Variants in OPCML observed in about 807,000 individuals in gnomAD.
OPCML encodes the protein opioid binding protein/cell adhesion molecule like.
Under a neutral mutation model 37.8 loss-of-function variants are expected in OPCML, and 13 were observed. The observed-to-expected ratio is 0.34, with a 90% CI of 0.22 to 0.55. OPCML has a LOEUF of 0.55. OPCML is among the 20% of genes least tolerant of loss of function. The pLI, the probability that OPCML is intolerant of heterozygous loss-of-function variation, is 0.91. For synonymous variants in OPCML, 176 were observed against 168.8 expected, an observed-to-expected ratio of 1.04 and a Z score of -0.33; for missense variants, 341 against 435.6, an observed-to-expected ratio of 0.78 and a Z score of 1.93.
At chr11:133,244,569 T>C (rs1375406509) in intron 1 of OPCML, among the ~76,000 whole-genome samples, 1 of 152,134 alleles carries the variant, frequency 6.6e-6, no homozygotes, top group Non-Finnish European at 1.5e-5. Flanking sequence ...TCTCCAGCAC[T>C]GGAGGAGGGG....
intron 2 of OPCML, among the ~76,000 whole-genome samples, chr11:132,856,383 G>T (rs1276855052): frequency 6.6e-6 from 1 of 152,164 alleles, no homozygotes; most frequent in Non-Finnish European, 1.5e-5. Flanking sequence ...TTGTGTTAGG[G>T]TAAGTAGTCA....
At chr11:132,889,392 C>G (rs1943554488) in intron 2 of OPCML, among the ~76,000 whole-genome samples, 1 of 152,168 alleles carries the variant, frequency 6.6e-6, no homozygotes, top group African/African-American at 2.4e-5. Context: ...GAGTGGAGAA[C>G]CTTTGCCTAG....
At chr11:133,277,064 G>A (rs1290126481) in intron 1 of OPCML, among the ~76,000 whole-genome samples, 1 of 152,066 alleles carries the variant, frequency 6.6e-6, no homozygotes, top group Non-Finnish European at 1.5e-5. Flanking sequence ...CCTTAATTTT[G>A]TTTACTGCAA....
intron 2 of OPCML, among the ~76,000 whole-genome samples, chr11:132,934,428 C>CT (rs1357779429): frequency 8.5e-5 from 13 of 152,168 alleles, no homozygotes; most frequent in African/African-American, 2.9e-4. Context: ...AGAACTGACC[C>CT]TTTGACTGTT....
intron 1 of OPCML, among the ~76,000 whole-genome samples, chr11:133,274,439 C>T (rs980690540): frequency 3.7e-4 from 56 of 152,250 alleles, no homozygotes; most frequent in African/African-American, 1.3e-3. Context: ...GTGCTGAGCC[C>T]ACAAGCCAAT....
chr11:133,349,444 C>A (rs900660566), intron 1 of OPCML, among the ~76,000 whole-genome samples: 1 of 152,156 alleles, frequency 6.6e-6, no homozygotes, highest in African/African-American at 2.4e-5. Context: ...ATTTTAAAAA[C>A]TGTAAATGGT....
intron 1 of OPCML, chr11:133,298,937 T>C (rs1295025545): frequency 6.6e-6 from 1 of 152,006 alleles, no homozygotes; most frequent in African/African-American, 2.4e-5. Flanking sequence ...AATTTCTCTG[T>C]ATTATGGCCA....
chr11:133,373,442 TATATATAC>T lies in OPCML; in HGVS notation c.61+158814_61+158821del, dbSNP rs1172312533. ...TAATTAAAATATATATATATATATA[TATATATAC>T]ACACACACACACAAAAATACAAAAT... On this transcript the variant is annotated intron_variant, in intron 1 of 7. Coordinates refer to ENST00000524381, the MANE Select transcript of OPCML (RefSeq NM_001012393.5). 3.0e-3 allele frequency among the ~76,000 whole-genome samples: 403 copies of T among 135,166 alleles called. 5 individuals carry two copies. The highest frequency in any genetic ancestry group is 0.011 in the African/African-American group (381 of 33,872). The allele number at this position is 135,166 out of a possible 152,430, so 88.7% of individuals were successfully genotyped here. A position where few individuals can be genotyped will look rare whatever the true frequency, so the allele number is the denominator to read the frequency against.
intron 1 of OPCML, among the ~76,000 whole-genome samples, chr11:133,343,567 T>C (rs1943926106): frequency 6.6e-6 from 1 of 152,158 alleles, no homozygotes; most frequent in African/African-American, 2.4e-5. Context: ...ACTTTTTTTC[T>C]CTAGGGTTAG....
chr11:132,636,439 A>G (rs1940504011), intron 3 of OPCML, among the ~76,000 whole-genome samples: 1 of 152,240 alleles, frequency 6.6e-6, no homozygotes, highest in South Asian at 2.1e-4. Context: ...GTCAAAACAC[A>G]GGGCCTAGAA....
chr11:132,721,237 C>T (rs371753737), intron 2 of OPCML, among the ~76,000 whole-genome samples: 9 of 152,104 alleles, frequency 5.9e-5, no homozygotes, highest in African/African-American at 1.4e-4. Context: ...TGTGAAGTGA[C>T]GCACACTGTC....
intron 2 of OPCML, among the ~76,000 whole-genome samples, chr11:132,892,628 C>T (rs970580444): frequency 6.6e-6 from 1 of 151,944 alleles, no homozygotes; most frequent in Non-Finnish European, 1.5e-5. Context: ...TTAGCTGGGC[C>T]TGGTGGTGGG....
At chr11:132,495,630 G>C (rs1236140999) in intron 4 of OPCML, among the ~76,000 whole-genome samples, 1 of 152,154 alleles carries the variant, frequency 6.6e-6, no homozygotes, top group African/African-American at 2.4e-5. Flanking sequence ...AGTGGCTCAT[G>C]CCTATAATCC....
intron 4 of OPCML, among the ~76,000 whole-genome samples, chr11:132,456,322 T>A (rs1436607740): frequency 6.6e-6 from 1 of 152,226 alleles, no homozygotes; most frequent in African/African-American, 2.4e-5. Context: ...TCCAAGACCT[T>A]GAGAATTAAA....
chr11:133,047,115 T>C (rs999298962), intron 1 of OPCML, among the ~76,000 whole-genome samples: 1 of 152,200 alleles, frequency 6.6e-6, no homozygotes, highest in Non-Finnish European at 1.5e-5. Context: ...ACAGACCTCA[T>C]GGAGGAAACT....
rs907743486 is a variant in OPCML, at chr11:132,909,171, G to C, written c.146+33755C>G. On this transcript the variant is annotated intron_variant, in intron 2 of 7. Transcript: ENST00000524381. ...CACCCAAGTGAACAGTCTCCTGCAG[G>C]GCTGTCTATCTGAGTGGGACATTTT... Among the ~76,000 whole-genome samples, 4 of 152,106 alleles carry C rather than the reference G, an allele frequency of 2.6e-5. No individual in the cohort carries two copies. The South Asian group carries it at 6.2e-4, about 24-fold the overall frequency.
chr11:132,591,457 A>G (rs953816485), intron 3 of OPCML, among the ~76,000 whole-genome samples: 2 of 152,172 alleles, frequency 1.3e-5, no homozygotes, highest in East Asian at 3.9e-4. Context: ...CTTTCCATCA[A>G]TTTCCTTTAG....
chr11:133,108,942 A>C (rs998713612), intron 1 of OPCML, among the ~76,000 whole-genome samples: 3 of 152,170 alleles, frequency 2.0e-5, no homozygotes, highest in Non-Finnish European at 2.9e-5. Flanking sequence ...GGCCCTTTGC[A>C]GGCCTCATGA....
chr11:133,103,455 G>T (rs114673941), intron 1 of OPCML, among the ~76,000 whole-genome samples: 3,978 of 152,282 alleles, frequency 0.026, 127 homozygotes, highest in African/African-American at 0.08. Flanking sequence ...AACTTCCTGA[G>T]TTGCAGCAGA....
Sources: allele counts gnomAD v4.1 joint callset (sites outside exome capture counted in the v4.1 genomes callset), GRCh38; gene constraint gnomAD v4.1.1; transcripts MANE v1.5; gene names NCBI Gene and HGNC (gene_info 2026-07-23, HGNC 2026-07-21).